The following SORCS2 variants were observed in gnomAD, a reference collection of about 807,000 sequenced individuals.
SORCS2 encodes sortilin related VPS10 domain containing receptor 2, also known as VPS10 domain-containing receptor SorCS2.
Under a neutral mutation model 141.6 loss-of-function variants are expected in SORCS2, and 100 were observed. That is an observed-to-expected ratio of 0.71 (90% CI 0.60 to 0.83). SORCS2 has a LOEUF of 0.83. SORCS2 is among the 40% of genes least tolerant of loss of function. SORCS2 has a pLI of 0.00. For missense variants in SORCS2, 1,646 were observed against 1,560.2 expected (o/e 1.05, Z -0.93); for synonymous variants, 789 against 676.9 (o/e 1.17, Z -2.57).
At chr4:7,476,842 C>G (rs186871514) in intron 2 of SORCS2, among the ~76,000 whole-genome samples, 1 of 152,334 alleles carries the variant, frequency 6.6e-6, no homozygotes, top group Admixed American at 6.5e-5. Flanking sequence ...GCATTGCCTA[C>G]TGTCTGTGTC....
chr4:7,559,914 C>T (rs1178801213), intron 3 of SORCS2, among the ~76,000 whole-genome samples: 3 of 152,328 alleles, frequency 2.0e-5, no homozygotes, highest in East Asian at 1.9e-4. Context: ...CGGAGCCAGG[C>T]GCTATGGAGT....
intron 3 of SORCS2, among the ~76,000 whole-genome samples, chr4:7,612,115 G>A (rs1718445172): frequency 6.6e-6 from 1 of 152,216 alleles, no homozygotes; most frequent in Admixed American, 6.5e-5. Context: ...GGAGGTGCTG[G>A]AGGCTGACGG....
chr4:7,298,613 G>A (rs1461943003), intron 1 of SORCS2, among the ~76,000 whole-genome samples: 1 of 152,184 alleles, frequency 6.6e-6, no homozygotes, highest in Non-Finnish European at 1.5e-5. Context: ...CGCTCCCACG[G>A]TGACGGGAGA....
At chr4:7,734,202 G>T (rs1711957941) in intron 24 of SORCS2, 70 bp from the exon 25 acceptor site, 13 of 1,189,476 alleles carry the variant, frequency 1.1e-5, no homozygotes, top group Non-Finnish European at 3.6e-6. Context: ...GGGACAGACG[G>T]GATGGGCTGG....
chr4:7,674,535 TTGCACTC>T (rs1722985287), intron 8 of SORCS2, among the ~76,000 whole-genome samples: 1 of 145,168 alleles, frequency 6.9e-6, no homozygotes, highest in African/African-American at 2.6e-5. Context: ...GATTGCGCCA[TTGCACTC>T]CAGCCTGGGC....
In SORCS2 at chr4:7,625,041, G is replaced by A. The variant is rs73216654; in HGVS notation, c.649-13287G>A. Reference sequence around the variant, plus strand: ...GTATTTGCCTTATTTAGTTATTATCGATCAGACCCAAGATTTTCCAAGTTA... The same window carrying A: ...GTATTTGCCTTATTTAGTTATTATCAATCAGACCCAAGATTTTCCAAGTTA... On this transcript the variant is annotated intron_variant, in intron 3 of 26. Transcript: ENST00000507866. Among the ~76,000 whole-genome samples, 1,405 of 152,234 alleles carry A rather than the reference G, an allele frequency of 9.2e-3. 10 individuals carry two copies. Among genetic ancestry groups the A allele is most frequent in the Middle Eastern group, 0.017 (5 of 294 alleles).
intron 2 of SORCS2, among the ~76,000 whole-genome samples, chr4:7,413,513 C>A (rs943167748): frequency 1.6e-4 from 24 of 149,968 alleles, no homozygotes; most frequent in African/African-American, 5.6e-4. Flanking sequence ...CCTGCCTCAG[C>A]CTTCGGAGTA....
intron 1 of SORCS2, among the ~76,000 whole-genome samples, chr4:7,194,830 C>G (rs1727072866): frequency 6.6e-6 from 1 of 152,186 alleles, no homozygotes; most frequent in African/African-American, 2.4e-5. Flanking sequence ...AAAAGCAAAT[C>G]CCGCAGGGCC....
At chr4:7,351,962 A>G (rs1248929695) in intron 1 of SORCS2, among the ~76,000 whole-genome samples, 1 of 151,066 alleles carries the variant, frequency 6.6e-6, no homozygotes, top group African/African-American at 2.4e-5. Context: ...CTATTTGCCT[A>G]CTCCCTCGCC....
chr4:7,677,633 C>T lies in SORCS2; in HGVS notation c.1341+1404C>T, dbSNP rs568706806. Among the ~76,000 whole-genome samples, 6 of 150,880 alleles carry T rather than the reference C, an allele frequency of 4.0e-5. No homozygotes were observed. The South Asian group carries it at 1.2e-3, about 31-fold the overall frequency. The stretch of plus-strand genomic sequence containing the variant: ...CCAGTAGACCCTGGGCAGGCAGTGG[C>T]ATTGACAAGCTTGTGAGTGGGAGGC... On this transcript the variant is annotated intron_variant, in intron 9 of 26. Coordinates refer to ENST00000507866, the MANE Select transcript of SORCS2 (RefSeq NM_020777.3).
At chr4:7,461,623 G>A (rs939034437) in intron 2 of SORCS2, among the ~76,000 whole-genome samples, 1 of 152,240 alleles carries the variant, frequency 6.6e-6, no homozygotes, top group Non-Finnish European at 1.5e-5. Flanking sequence ...GATCCGAGGA[G>A]CGTAGCAGCA....
chr4:7,543,683 TCCAC>T (rs1712924136), intron 3 of SORCS2, among the ~76,000 whole-genome samples: 1 of 79,748 alleles, frequency 1.3e-5, no homozygotes, highest in Non-Finnish European at 2.8e-5. Context: ...CATCCACCCA[TCCAC>T]CCATCCACCC....
chr4:7,337,602 C>T (rs1720067430), intron 1 of SORCS2, among the ~76,000 whole-genome samples: 1 of 152,104 alleles, frequency 6.6e-6, no homozygotes, highest in Non-Finnish European at 1.5e-5. Context: ...GCCATGTGGG[C>T]CTTGCAGCCA....
chr4:7,653,368 C>T (rs1173705522), intron 4 of SORCS2, among the ~76,000 whole-genome samples: 2 of 152,174 alleles, frequency 1.3e-5, no homozygotes, highest in South Asian at 4.1e-4. Context: ...CTCAGCCTCC[C>T]GAGTAGCTGG....
chr4:7,330,625 A>C (rs2108965609), intron 1 of SORCS2, among the ~76,000 whole-genome samples: 1 of 151,954 alleles, frequency 6.6e-6, no homozygotes, highest in South Asian at 2.1e-4. Context: ...ATTTAGAAAC[A>C]ACGGCTAGAA....
At chr4:7,501,312 T>G (rs1429104835) in intron 2 of SORCS2, among the ~76,000 whole-genome samples, 3 of 151,410 alleles carry the variant, frequency 2.0e-5, no homozygotes, top group Non-Finnish European at 2.9e-5. Context: ...CAATCAATCC[T>G]GAGCTTTTTA....
chr4:7,515,453 C>A (rs961612250), intron 2 of SORCS2, among the ~76,000 whole-genome samples: 3 of 152,154 alleles, frequency 2.0e-5, no homozygotes, highest in Non-Finnish European at 2.9e-5. Flanking sequence ...CAAGCTGGTA[C>A]CTTCTCAGAG....
At chr4:7,415,218 C>G (rs1383592734) in intron 2 of SORCS2, among the ~76,000 whole-genome samples, 1 of 152,186 alleles carries the variant, frequency 6.6e-6, no homozygotes, top group African/African-American at 2.4e-5. Flanking sequence ...GGACTTGAAG[C>G]AACACAGGTG....
intron 1 of SORCS2, among the ~76,000 whole-genome samples, chr4:7,368,900 A>G (rs1270655642): frequency 6.6e-6 from 1 of 152,050 alleles, no homozygotes. Context: ...ACGAGATCTG[A>G]TGGTTTTAAA....
Sources: allele counts gnomAD v4.1 joint callset (sites outside exome capture counted in the v4.1 genomes callset), GRCh38; gene constraint gnomAD v4.1.1; transcripts MANE v1.5; gene names NCBI Gene and HGNC (gene_info 2026-07-23, HGNC 2026-07-21).